MTSS1: variants seen among roughly 807,000 people sequenced by gnomAD.
MTSS1 encodes the protein MTSS I-BAR domain containing 1.
Under a neutral mutation model 79.0 loss-of-function variants are expected in MTSS1, and 18 were observed. The ratio of observed to expected loss-of-function variants is 0.23; its 90% CI spans 0.16 to 0.34. The LOEUF (loss-of-function observed/expected upper bound fraction) is 0.34. MTSS1 is among the 10% of genes least tolerant of loss of function. The pLI is 1.00. For missense variants in MTSS1, 815 were observed against 986.2 expected, an observed-to-expected ratio of 0.83 and a Z score of 2.33; for synonymous variants, 341 against 368.6, an observed-to-expected ratio of 0.93 and a Z score of 0.86.
Position 124,587,808 on chromosome 8 carries a change from A to G in MTSS1, c.385+1812T>C, listed in dbSNP as rs116825057. Among the ~76,000 whole-genome samples, 367 of 152,282 alleles carry G rather than the reference A, an allele frequency of 2.4e-3. 1 individual carries two copies. The highest frequency in any genetic ancestry group is 8.5e-3 in the African/African-American group (355 of 41,556). ...GCATGAGCCACCACGCCTGGCCTATATTAACTTTTTTAATATAACTGCTAA... is the reference window on the plus strand; with the variant it reads ...GCATGAGCCACCACGCCTGGCCTATGTTAACTTTTTTAATATAACTGCTAA... On this transcript the variant is annotated intron_variant, in intron 5 of 13. Transcript: ENST00000518547.
intron 3 of MTSS1, among the ~76,000 whole-genome samples, chr8:124,673,757 C>CT (rs1159889724): frequency 2.6e-5 from 4 of 152,128 alleles, no homozygotes; most frequent in South Asian, 2.1e-4. Context: ...AGCACTATTT[C>CT]TTTTTTTTCC....
intron 3 of MTSS1, among the ~76,000 whole-genome samples, chr8:124,657,056 T>C (rs902233477): frequency 6.6e-6 from 1 of 152,186 alleles, no homozygotes; most frequent in African/African-American, 2.4e-5. Context: ...TTGAGTCAAC[T>C]GGGAAAATGG....
At chr8:124,569,598 G>A (rs1006563825) in intron 6 of MTSS1, among the ~76,000 whole-genome samples, 3 of 152,214 alleles carry the variant, frequency 2.0e-5, no homozygotes, top group African/African-American at 7.2e-5. Flanking sequence ...GCCTATGCAG[G>A]GGCCTTACCT....
At chr8:124,585,823 C>CAAA (rs201343804) in intron 5 of MTSS1, among the ~76,000 whole-genome samples, 1 of 151,602 alleles carries the variant, frequency 6.6e-6, no homozygotes, top group African/African-American at 2.4e-5. Flanking sequence ...TTTGCAAAAA[C>CAAA]AAAAAAACAA....
chr8:124,562,810 G>T lies in MTSS1; in HGVS notation c.1007C>A (p.Ser336Tyr). 1 of 1,614,192 alleles carries T rather than the reference G, an allele frequency of 6.2e-7. No homozygotes were observed. Among genetic ancestry groups the T allele is most frequent in the Non-Finnish European group, 8.5e-7 (1 of 1,180,032 alleles). The change falls in exon 10 of 14, where the codon TCC becomes TAC. Residue 336 changes from serine (S) to tyrosine (Y), a missense_variant. Ser to Tyr is a moderately radical substitution (Grantham distance 144, BLOSUM62 -2). This residue lies in a region of MTSS1 where 590 missense variants were observed against 620.8 expected (regional missense o/e 0.95). Transcript: ENST00000518547. Reference protein sequence around the residue: ...SQDAFQSKSPSPMPPEAPNQL... With the variant: ...SQDAFQSKSPYPMPPEAPNQL... ...GTTGGGGGCCTCTGGCGGCATGGGG[G>T]ATGGTGACTTGGACTGGAAGGCATC...
At chr8:124,650,858 G>C (rs1200587940) in intron 3 of MTSS1, among the ~76,000 whole-genome samples, 4 of 152,170 alleles carry the variant, frequency 2.6e-5, no homozygotes, top group Admixed American at 6.5e-5. Context: ...TAACAATGGT[G>C]TATGGCCCGG....
At chr8:124,633,242 A>C (rs1816353091) in intron 3 of MTSS1, among the ~76,000 whole-genome samples, 1 of 152,168 alleles carries the variant, frequency 6.6e-6, no homozygotes, top group African/African-American at 2.4e-5. Flanking sequence ...TTGTCATTTT[A>C]GGCATCAAAG....
intron 3 of MTSS1, among the ~76,000 whole-genome samples, chr8:124,652,128 G>A (rs1053076453): frequency 1.1e-4 from 17 of 152,316 alleles, no homozygotes; most frequent in African/African-American, 2.9e-4. Flanking sequence ...ATAATTGGAT[G>A]GGACTCGGTA....
At chr8:124,670,108 A>G (rs559587116) in intron 3 of MTSS1, among the ~76,000 whole-genome samples, 2 of 152,312 alleles carry the variant, frequency 1.3e-5, no homozygotes, top group East Asian at 3.9e-4. Context: ...AATTTCATAG[A>G]ATTCTAAGTG....
chr8:124,705,484 A>G (rs1342620282), intron 1 of MTSS1, among the ~76,000 whole-genome samples: 1 of 152,202 alleles, frequency 6.6e-6, no homozygotes, highest in Admixed American at 6.5e-5. Flanking sequence ...AAATAAAATA[A>G]TATAAAATAA....
intron 5 of MTSS1, 84 bp from the exon 6 acceptor site, chr8:124,585,245 C>G (rs780017598): frequency 6.6e-5 from 64 of 964,350 alleles, no homozygotes; most frequent in Middle Eastern, 3.0e-4. Flanking sequence ...TTACATTTAT[C>G]ACAGAAAGCA....
intron 3 of MTSS1, among the ~76,000 whole-genome samples, chr8:124,647,039 G>A (rs1226546701): frequency 1.3e-5 from 2 of 152,096 alleles, no homozygotes. Context: ...TTGTAGAGAT[G>A]GGGTCTCACT....
intron 3 of MTSS1, among the ~76,000 whole-genome samples, chr8:124,640,926 TTA>T (rs1470025115): frequency 6.6e-6 from 1 of 152,146 alleles, no homozygotes; most frequent in Non-Finnish European, 1.5e-5. Context: ...AGGAATTTCT[TTA>T]TAAGTTGTTT....
chr8:124,700,298 C>T (rs1829531040), intron 2 of MTSS1, among the ~76,000 whole-genome samples: 2 of 152,064 alleles, frequency 1.3e-5, no homozygotes, highest in South Asian at 4.2e-4. Context: ...TATATATGCA[C>T]ATCAGTTGGG....
intron 7 of MTSS1, chr8:124,567,907 C>A: frequency 7.0e-7 from 1 of 1,422,360 alleles, no homozygotes; most frequent in East Asian, 2.5e-5. Context: ...AAAATTAAGT[C>A]TAAATTGATT....
chr8:124,603,291 G>T (rs796261958), intron 3 of MTSS1, among the ~76,000 whole-genome samples: 6 of 152,228 alleles, frequency 3.9e-5, no homozygotes, highest in African/African-American at 1.4e-4. Flanking sequence ...CTCCCAAAGT[G>T]CTGGGATTAC....
chr8:124,567,859 T>G, intron 7 of MTSS1: 9 of 1,473,102 alleles, frequency 6.1e-6, no homozygotes, highest in Non-Finnish European at 8.1e-6. Flanking sequence ...ACGCCTGCAG[T>G]GCAAGTTCTC....
intron 1 of MTSS1, among the ~76,000 whole-genome samples, chr8:124,715,863 T>C (rs1009422467): frequency 7.9e-5 from 12 of 152,234 alleles, no homozygotes; most frequent in Non-Finnish European, 1.5e-4. Context: ...GGGCAAGTAA[T>C]TTAATCACCT....
At chr8:124,649,344 G>A (rs1255845739) in intron 3 of MTSS1, among the ~76,000 whole-genome samples, 1 of 152,162 alleles carries the variant, frequency 6.6e-6, no homozygotes, top group Admixed American at 6.5e-5. Context: ...CTAAGGAGAG[G>A]TGTCCATCAT....
Sources: gnomAD v4.1 joint callset for allele counts (sites outside exome capture counted in the v4.1 genomes callset) on GRCh38, gnomAD v4.1.1 for gene constraint, gnomAD v4.1.1 regional missense constraint, MANE v1.5 for transcripts, NCBI Gene and HGNC (gene_info 2026-07-23, HGNC 2026-07-21) for gene names.